Variants in S100A13 observed in about 807,000 individuals in gnomAD.
S100A13 encodes protein S100-A13.
S100A13 carries 6 observed loss-of-function variants against 8.2 expected under a neutral mutation model. The observed-to-expected ratio is 0.73, with a 90% confidence interval of 0.40 to 1.44. The LOEUF (loss-of-function observed/expected upper bound fraction) is 1.44. Among genes scored for constraint, S100A13 ranks in the 40% most tolerant of loss-of-function variants. S100A13 has a pLI of 0.02. For synonymous variants in S100A13, 39 were observed against 45.9 expected (o/e 0.85, Z 0.61); for missense variants, 114 against 113.6 (o/e 1.00, Z -0.02).
chr1:153,631,255 G>T (rs1023243269), upstream of S100A13: 64 of 581,596 alleles, frequency 1.1e-4, no homozygotes, highest in African/African-American at 1.1e-3. Context: ...GGTAGAAAGT[G>T]CACCGGTTTT....
upstream of S100A13, chr1:153,633,911 G>A (rs1888115): frequency 0.57 from 86,615 of 152,152 alleles, 25,008 homozygotes; most frequent in East Asian, 0.7. Context: ...TAGGGGCGGG[G>A]CACTGCATGG....
At chr1:153,633,992 T>C (rs575144819), upstream of S100A13, 1 of 152,508 alleles carries the variant, frequency 6.6e-6, no homozygotes, top group South Asian at 2.1e-4. Flanking sequence ...TTTCCCGCCC[T>C]CTAGTCGTGC....
At chr1:153,620,784 G>A (rs1000143162) in intron 2 of S100A13, among the ~76,000 whole-genome samples, 1 of 152,064 alleles carries the variant, frequency 6.6e-6, no homozygotes, top group Admixed American at 6.6e-5. Flanking sequence ...GGGATTTGAG[G>A]CCAGGCATGG....
chr1:153,628,063 G>A (rs773813461), upstream of S100A13: 64 of 1,550,426 alleles, frequency 4.1e-5, 2 homozygotes, highest in South Asian at 7.5e-4. Context: ...GGTCCTCTCA[G>A]TGAGGCCCCA....
At chr1:153,626,246 G>A (rs935332843) in intron 2 of S100A13, 74 bp downstream of exon 2, 13 of 1,375,062 alleles carry the variant, frequency 9.5e-6, no homozygotes, top group Middle Eastern at 3.6e-4. Flanking sequence ...CACCGTACTC[G>A]GCACCATCAC....
At chr1:153,627,765 G>A (rs996257325), upstream of S100A13, among the ~76,000 whole-genome samples, 1 of 152,080 alleles carries the variant, frequency 6.6e-6, no homozygotes, top group Non-Finnish European at 1.5e-5. Context: ...CAATACTGGG[G>A]GCTGCTGCCA....
At position 153,626,418 on chromosome 1, in the gene S100A13, T is replaced by C; in HGVS notation, c.55A>G (p.Thr19Ala). Reference sequence around the variant, plus strand: ...TCCTGCCTTGCAAAGGTGAAGAAGGTGGTGACCACGGTCTCAATGGACTCC... The same window carrying C: ...TCCTGCCTTGCAAAGGTGAAGAAGGCGGTGACCACGGTCTCAATGGACTCC... ...LEESIETVVTTFFTFARQEGR... is the reference protein window; with the variant it reads ...LEESIETVVTAFFTFARQEGR... Residue 19 changes from threonine (T) to alanine (A), a missense_variant, in exon 2 of 3, where the codon ACC becomes GCC. Thr to Ala is a moderately conservative substitution (Grantham distance 58). Transcript: ENST00000476133. 1 of 1,614,184 alleles carries C rather than the reference T, an allele frequency of 6.2e-7. No homozygotes were observed. Among genetic ancestry groups the C allele is most frequent in the Non-Finnish European group, 8.5e-7 (1 of 1,180,040 alleles).
intron 2 of S100A13, among the ~76,000 whole-genome samples, chr1:153,624,033 T>C (rs1481521889): frequency 6.6e-6 from 1 of 152,136 alleles, no homozygotes; most frequent in Non-Finnish European, 1.5e-5. Flanking sequence ...GGGATGTTGA[T>C]GGAAGATGCA....
chr1:153,622,188 G>C (rs1275494429), intron 2 of S100A13, among the ~76,000 whole-genome samples: 1 of 151,720 alleles, frequency 6.6e-6, no homozygotes, highest in Non-Finnish European at 1.5e-5. Flanking sequence ...TGGCCAACAT[G>C]GCGAAACCTC....
upstream of S100A13, chr1:153,628,838 C>A: frequency 3.2e-6 from 1 of 315,532 alleles, no homozygotes; most frequent in Non-Finnish European, 5.9e-6. Context: ...GGGAAGGGTC[C>A]CAGCCCTCCC....
At chr1:153,630,467 C>T (rs767134637), upstream of S100A13, 3 of 1,603,174 alleles carry the variant, frequency 1.9e-6, no homozygotes, top group South Asian at 1.1e-5. Context: ...CCAGGTACTC[C>T]GGGCCTGGTC....
chr1:153,623,101 A>AG (rs1286618034), intron 2 of S100A13, among the ~76,000 whole-genome samples: 1 of 152,172 alleles, frequency 6.6e-6, no homozygotes, highest in East Asian at 1.9e-4. Context: ...AAAAAAAAAA[A>AG]AGAGGTATCA....
upstream of S100A13, chr1:153,631,822 T>A (rs747522533): frequency 5.0e-6 from 8 of 1,613,968 alleles, no homozygotes; most frequent in Non-Finnish European, 5.1e-6. Flanking sequence ...TGTAACAATT[T>A]CTTCTGGGAG....
chr1:153,627,906 G>A (rs1404420532), upstream of S100A13: 1 of 898,328 alleles, frequency 1.1e-6, no homozygotes, highest in African/African-American at 1.7e-5. Flanking sequence ...ATCCCACAAA[G>A]GATGCTACAG....
intron 2 of S100A13, among the ~76,000 whole-genome samples, chr1:153,622,370 C>T (rs1667325267): frequency 2.0e-5 from 3 of 152,124 alleles, no homozygotes; most frequent in Non-Finnish European, 4.4e-5. Context: ...GATCCTTTCT[C>T]AAAAACAAAT....
chr1:153,630,975 C>G, upstream of S100A13: 3 of 409,234 alleles, frequency 7.3e-6, no homozygotes, highest in Admixed American at 8.1e-5. Flanking sequence ...AGAGCCTTAA[C>G]AGATGTACCA....
chr1:153,631,374 G>A, upstream of S100A13: 1 of 1,269,532 alleles, frequency 7.9e-7, no homozygotes, highest in Non-Finnish European at 1.1e-6. Context: ...TCTCTAGAAT[G>A]GAAATAATGA....
chr1:153,629,253 C>T (rs1325471780), upstream of S100A13: 5 of 152,286 alleles, frequency 3.3e-5, no homozygotes, highest in East Asian at 9.6e-4. Context: ...GGTAATCAAG[C>T]TACCAGCACC....
intron 1 of S100A13, 69 bp downstream of exon 1, chr1:153,627,414 G>C (rs945786244): frequency 2.0e-5 from 3 of 152,490 alleles, no homozygotes; most frequent in African/African-American, 7.2e-5. Context: ...GGCTCTGGGG[G>C]AGGGACCTGG....
Sources: gnomAD v4.1 joint callset for allele counts (sites outside exome capture counted in the v4.1 genomes callset) on GRCh38, gnomAD v4.1.1 for gene constraint, MANE v1.5 for transcripts, NCBI Gene and HGNC (gene_info 2026-07-23, HGNC 2026-07-21) for gene names.